The following FAF1 variants were observed in gnomAD, a reference collection of about 807,000 sequenced individuals.
FAF1 encodes the protein FAS-associated factor 1.
In FAF1, 25 loss-of-function variants were observed where a neutral mutation model predicts 92.5. The observed-to-expected ratio is 0.27, with a 90% CI of 0.20 to 0.38. FAF1 has a LOEUF of 0.38. Ranked by LOEUF, FAF1 falls within the 10% of genes least tolerant of loss-of-function variation. The probability of loss-of-function intolerance (pLI) is 1.00; values close to 1 mark genes in which losing one functional copy is unlikely to be tolerated. For missense variants in FAF1, 636 were observed against 793.3 expected, an observed-to-expected ratio of 0.80 and a Z score of 2.38; for synonymous variants, 234 against 273.2, an observed-to-expected ratio of 0.86 and a Z score of 1.42.
chr1:50,532,021 A>G (rs1487204386), intron 15 of FAF1, among the ~76,000 whole-genome samples: 1 of 152,184 alleles, frequency 6.6e-6, no homozygotes, highest in African/African-American at 2.4e-5. Flanking sequence ...AGGCAAATTC[A>G]CAATTACAAG....
chr1:50,743,580 G>A (rs891230514), intron 5 of FAF1, among the ~76,000 whole-genome samples: 6 of 151,706 alleles, frequency 4.0e-5, no homozygotes, highest in Admixed American at 2.0e-4. Context: ...CACTTGCCTC[G>A]GCCTCCCAAA....
chr1:50,722,375 G>A (rs533131016), intron 6 of FAF1, among the ~76,000 whole-genome samples: 48 of 152,240 alleles, frequency 3.2e-4, no homozygotes, highest in African/African-American at 7.5e-4. Flanking sequence ...AAGGCCGGGC[G>A]CGGTGGCTCA....
intron 8 of FAF1, among the ~76,000 whole-genome samples, chr1:50,621,357 T>A (rs1653192686): frequency 6.6e-6 from 1 of 151,702 alleles, no homozygotes; most frequent in Non-Finnish European, 1.5e-5. Context: ...TGCCCCAGTC[T>A]TACGGGGAAG....
intron 13 of FAF1, among the ~76,000 whole-genome samples, chr1:50,564,067 C>T (rs1650056977): frequency 6.6e-6 from 1 of 152,166 alleles, no homozygotes; most frequent in East Asian, 1.9e-4. Context: ...AGTTTAATAT[C>T]CTTCACTTAT....
intron 4 of FAF1, among the ~76,000 whole-genome samples, chr1:50,763,589 T>C (rs1005764565): frequency 6.6e-6 from 1 of 152,174 alleles, no homozygotes; most frequent in Non-Finnish European, 1.5e-5. Context: ...GACAACATCC[T>C]TCCCTCTCCA....
chr1:50,567,956 G>T (rs1650246921), intron 12 of FAF1, among the ~76,000 whole-genome samples: 1 of 151,856 alleles, frequency 6.6e-6, no homozygotes, highest in South Asian at 2.1e-4. Context: ...AATGACACTT[G>T]GTCTCTTAAA....
Position 50,582,703 on chromosome 1 carries a change from T to C in FAF1, c.1032-4A>G, listed in dbSNP as rs1225959857. ...TACAGGATGGCAATCACCATATCTA[T>C]AGGAAAAAGTGAGTCTATTAATTAA... is the stretch of plus-strand genomic sequence containing the variant. On this transcript the variant is annotated splice_polypyrimidine_tract_variant and splice_region_variant and intron_variant, in intron 11 of 18. Coordinates refer to ENST00000396153, the MANE Select transcript of FAF1 (RefSeq NM_007051.3). 5 of 1,572,420 alleles carry C rather than the reference T, an allele frequency of 3.2e-6. No homozygotes were observed. The highest frequency in any genetic ancestry group is 1.4e-5 in the African/African-American group (1 of 74,068).
At chr1:50,537,350 A>C (rs185683524) in intron 14 of FAF1, among the ~76,000 whole-genome samples, 66 of 152,284 alleles carry the variant, frequency 4.3e-4, no homozygotes, top group African/African-American at 1.5e-3. Flanking sequence ...TACATATTTA[A>C]GCCCTTATTG....
intron 15 of FAF1, among the ~76,000 whole-genome samples, chr1:50,526,698 T>C (rs925231580): frequency 5.9e-5 from 9 of 152,206 alleles, no homozygotes; most frequent in Admixed American, 4.6e-4. Flanking sequence ...AGTATATAAC[T>C]AGGAGTGGAA....
intron 4 of FAF1, among the ~76,000 whole-genome samples, chr1:50,778,186 C>A (rs1457342636): frequency 6.6e-6 from 1 of 152,126 alleles, no homozygotes; most frequent in African/African-American, 2.4e-5. Flanking sequence ...TGTATGATTT[C>A]AATTATACGA....
In FAF1 at chr1:50,567,203, T is replaced by C. The variant is rs1289292843; in HGVS notation, c.1142A>G (p.His381Arg). The change falls in exon 13 of 19, where the codon CAT becomes CGT. Residue 381 changes from histidine to arginine, a missense_variant. His to Arg is a conservative substitution (Grantham distance 29). Around this residue, in one of 2 missense-constraint regions of FAF1, gnomAD observed 319 missense variants for 451.0 expected, o/e 0.71. Transcript: ENST00000396153. ...CACGTTGGTTAACACACTTTCATCA[T>C]GGTGGAGGTAGATAGCAAGAAGCTT... Reference protein sequence around the residue: ...DRKLLAIYLHHDESVLTNVFC... With the variant: ...DRKLLAIYLHRDESVLTNVFC... 9.9e-6 allele frequency: 16 copies of C among 1,608,148 alleles called. No individual in the cohort carries two copies. Among genetic ancestry groups the C allele is most frequent in the Non-Finnish European group, 1.4e-5 (16 of 1,176,546 alleles).
intron 8 of FAF1, among the ~76,000 whole-genome samples, chr1:50,636,267 T>C (rs543067773): frequency 1.4e-4 from 22 of 152,172 alleles, no homozygotes; most frequent in South Asian, 6.2e-4. Context: ...TTTCAAATTA[T>C]AGAAAATTTC....
At chr1:50,687,604 G>A (rs1474173022) in intron 7 of FAF1, among the ~76,000 whole-genome samples, 1 of 151,886 alleles carries the variant, frequency 6.6e-6, no homozygotes, top group East Asian at 1.9e-4. Context: ...ACAAAAATTA[G>A]CCAGGCATGG....
At chr1:50,605,304 T>G (rs747581055) in intron 8 of FAF1, among the ~76,000 whole-genome samples, 2 of 152,126 alleles carry the variant, frequency 1.3e-5, no homozygotes, top group Non-Finnish European at 2.9e-5. Flanking sequence ...TTTTAGTGAG[T>G]ACACTAGAAG....
chr1:50,579,280 A>C (rs922842415), intron 12 of FAF1, among the ~76,000 whole-genome samples: 1 of 152,118 alleles, frequency 6.6e-6, no homozygotes, highest in Non-Finnish European at 1.5e-5. Context: ...TTTAAAGCTA[A>C]AATGTGTGAG....
intron 7 of FAF1, among the ~76,000 whole-genome samples, chr1:50,667,325 G>T (rs1206820883): frequency 6.6e-6 from 1 of 152,172 alleles, no homozygotes; most frequent in Non-Finnish European, 1.5e-5. Context: ...AAAAGAATAT[G>T]AAGATATTCA....
At chr1:50,691,260 T>C (rs1656909632) in intron 7 of FAF1, among the ~76,000 whole-genome samples, 1 of 152,210 alleles carries the variant, frequency 6.6e-6, no homozygotes, top group Non-Finnish European at 1.5e-5. Flanking sequence ...CTTTTTTTTT[T>C]TCCAGACAGT....
chr1:50,698,633 T>C (rs115023655), intron 7 of FAF1, among the ~76,000 whole-genome samples: 1,977 of 152,236 alleles, frequency 0.013, 43 homozygotes, highest in African/African-American at 0.043. Context: ...GAAATGTTTT[T>C]CTCCCCAAGG....
intron 7 of FAF1, among the ~76,000 whole-genome samples, chr1:50,663,442 G>A (rs1219032238): frequency 7.1e-6 from 1 of 141,368 alleles, no homozygotes; most frequent in Non-Finnish European, 1.5e-5. Context: ...TTGAGACAGA[G>A]TCCAGGCTGG....
Sources: gnomAD v4.1 joint callset for allele counts (sites outside exome capture counted in the v4.1 genomes callset) on GRCh38, gnomAD v4.1.1 for gene constraint, gnomAD v4.1.1 regional missense constraint, MANE v1.5 for transcripts, NCBI Gene and HGNC (gene_info 2026-07-23, HGNC 2026-07-21) for gene names.